ZNF45: variants seen among roughly 807,000 people sequenced by gnomAD.
ZNF45 encodes BRC1744.
In ZNF45, 4 loss-of-function variants were observed where a neutral mutation model predicts 12.0. The ratio of observed to expected loss-of-function variants is 0.33; its 90% confidence interval spans 0.16 to 0.76. The LOEUF (loss-of-function observed/expected upper bound fraction) is 0.76, where lower values mean the gene tolerates loss of function less well. ZNF45 is among the 30% of genes least tolerant of loss of function. The pLI is 0.60. For synonymous variants in ZNF45, 272 were observed against 279.6 expected, an observed-to-expected ratio of 0.97 and a Z score of 0.27; for missense variants, 700 against 813.0, an observed-to-expected ratio of 0.86 and a Z score of 1.69.
Position 43,914,064 on chromosome 19 carries a change from T to G in ZNF45, c.1372A>C (p.Asn458His), listed in dbSNP as rs762896709. 1.9e-6 allele frequency: 3 copies of G among 1,613,692 alleles called. No homozygotes were observed. The highest frequency in any genetic ancestry group is 2.5e-6 in the Non-Finnish European group (3 of 1,179,872). ...ECGKGFSQAS[N>H]LLAHQRGHTG... Reference sequence around the variant, plus strand: ...TGGCCTCTTTGATGGGCCAGAAGATTTGAGGCCTGGCTGAAGCCCTTGCCA... The same window carrying G: ...TGGCCTCTTTGATGGGCCAGAAGATGTGAGGCCTGGCTGAAGCCCTTGCCA... The change falls in exon 10 of 10, where the codon AAT (asparagine) becomes CAT (histidine). Residue 458 changes from asparagine (N) to histidine (H), a missense_variant. By Grantham distance (68) the Asn-to-His change is moderately conservative (BLOSUM62 1). Coordinates refer to ENST00000269973, the MANE Select transcript of ZNF45 (RefSeq NM_003425.4).
chr19:43,919,345 C>A (rs1424240762), intron 8 of ZNF45, among the ~76,000 whole-genome samples: 1 of 152,036 alleles, frequency 6.6e-6, no homozygotes, highest in African/African-American at 2.4e-5. Context: ...GAGATGACCA[C>A]AATTTGAGAA....
intron 3 of ZNF45, among the ~76,000 whole-genome samples, chr19:43,927,230 A>G (rs1205179229): frequency 6.6e-6 from 1 of 152,052 alleles, no homozygotes; most frequent in African/African-American, 2.4e-5. Context: ...TTACTTACTT[A>G]TATTCATTAC....
intron 3 of ZNF45, among the ~76,000 whole-genome samples, chr19:43,931,790 A>G (rs1250411248): frequency 6.6e-6 from 1 of 152,208 alleles, no homozygotes; most frequent in Admixed American, 6.5e-5. Context: ...TAACTTGCCC[A>G]AGGTTATTCA....
In ZNF45 at chr19:43,914,041, G is replaced by C; in HGVS notation, c.1395C>G (p.Gly465=). The change falls in exon 10 of 10, where the codon GGC becomes GGG. Residue 465 remains glycine (G), a synonymous_variant. Transcript: ENST00000269973. ...ATTTGTAGGGTTTCTCTCCAGTGTG[G>C]CCTCTTTGATGGGCCAGAAGATTTG... ...QASNLLAHQR[G]HTGEKPYKCG... is the part of the protein sequence containing the mutation. 1 of 1,614,012 alleles carries C rather than the reference G, an allele frequency of 6.2e-7. No homozygotes were observed. The highest frequency in any genetic ancestry group is 8.5e-7 in the Non-Finnish European group (1 of 1,179,980).
Position 43,919,615 on chromosome 19 carries a change from G to C in ZNF45, c.100C>G (p.Arg34Gly). ...LLDLAQRKLY[R>G]DVMLENFRNV... ...CTGAAGTTCTCCAGCATCACATCTC[G>C]GTACAGCTTCCTCTGGGCAAGGTCC... Residue 34 changes from arginine (R) to glycine (G), a missense_variant, in exon 8 of 10, where the codon CGA (arginine) becomes GGA (glycine). Transcript: ENST00000269973. 6.2e-7 allele frequency: 1 copy of C among 1,612,912 alleles called. No homozygotes were observed. The highest frequency in any genetic ancestry group is 8.5e-7 in the Non-Finnish European group (1 of 1,179,314).
intron 3 of ZNF45, among the ~76,000 whole-genome samples, chr19:43,929,013 A>G (rs1270427624): frequency 6.6e-6 from 1 of 152,260 alleles, no homozygotes; most frequent in Non-Finnish European, 1.5e-5. Context: ...CATTTTACAG[A>G]CAAGGAAATA....
Position 43,914,192 on chromosome 19 carries a change from G to T in ZNF45, c.1244C>A (p.Pro415Gln), listed in dbSNP as rs762696029. The T allele has an allele frequency of 1.9e-5, 31 of 1,606,160 alleles. No individual in the cohort carries two copies. Among genetic ancestry groups the T allele is most frequent in the Non-Finnish European group, 2.5e-5 (29 of 1,174,436 alleles). Residue 415 changes from proline (P) to glutamine (Q), a missense_variant, in exon 10 of 10, where the codon CCG becomes CAG. By Grantham distance (76) the Pro-to-Gln change is moderately conservative. Coordinates refer to ENST00000269973, the MANE Select transcript of ZNF45 (RefSeq NM_003425.4). ...CTTACCACATGCATCACACTGATAC[G>T]GTTTCTCTCCAGTATGGCCTCTTTG... ...DHQRGHTGEK[P>Q]YQCDACGKGF... is the part of the protein sequence containing the mutation.
chr19:43,927,463 T>C (rs1479496311), intron 3 of ZNF45, among the ~76,000 whole-genome samples: 2 of 152,176 alleles, frequency 1.3e-5, no homozygotes, highest in African/African-American at 2.4e-5. Context: ...CCAAGGGTCC[T>C]AGATGTGAAA....
chr19:43,924,011 T>G (rs1169663030), intron 6 of ZNF45, among the ~76,000 whole-genome samples: 1 of 151,590 alleles, frequency 6.6e-6, no homozygotes, highest in African/African-American at 2.4e-5. Context: ...AAAATTTACT[T>G]TAACAGTAGG....
rs573572135 is a variant in ZNF45 at position 43,930,286 on chromosome 19, C to A, written c.-400+2318G>T. 5.9e-4 allele frequency among the ~76,000 whole-genome samples: 90 copies of A among 152,300 alleles called. 1 individual carries two copies. Among genetic ancestry groups the A allele is most frequent in the Middle Eastern group, 6.8e-3 (2 of 294 alleles). On this transcript the variant is annotated intron_variant, in intron 3 of 9. Transcript: ENST00000269973. The stretch of plus-strand genomic sequence containing the variant: ...ACTTAATCACTTCCCAAAGGCCTCA[C>A]CTCTTAATAACACCACAATGGGGAT...
At chr19:43,930,138 G>A (rs1184457388) in intron 3 of ZNF45, 2 of 151,986 alleles carry the variant, frequency 1.3e-5, no homozygotes, top group East Asian at 1.9e-4. Context: ...CAGAAGGGTA[G>A]GGGAAAAGGG....
chr19:43,916,654 A>G (rs1972705001), intron 9 of ZNF45, among the ~76,000 whole-genome samples: 2 of 152,184 alleles, frequency 1.3e-5, no homozygotes, highest in East Asian at 3.8e-4. Context: ...CTGACTCAAC[A>G]CAGTGTTCAA....
intron 3 of ZNF45, among the ~76,000 whole-genome samples, chr19:43,928,947 G>T (rs1353359208): frequency 6.6e-6 from 1 of 152,238 alleles, no homozygotes. Context: ...TTCTTCACAT[G>T]TAGTATCTCA....
intron 2 of ZNF45, among the ~76,000 whole-genome samples, chr19:43,932,903 C>T (rs73036788): frequency 0.1 from 15,517 of 152,108 alleles, 904 homozygotes; most frequent in East Asian, 0.14. Context: ...TCTCTCAAAA[C>T]GTTAAAGTCC....
In ZNF45 at chr19:43,913,622, A is replaced by C; in HGVS notation, c.1814T>G (p.Val605Gly). 6.2e-7 allele frequency: 1 copy of C among 1,613,650 alleles called. No individual in the cohort carries two copies. The highest frequency in any genetic ancestry group is 8.5e-7 in the Non-Finnish European group (1 of 1,179,922). Residue 605 changes from valine (V) to glycine (G), a missense_variant, in exon 10 of 10, where the codon GTC becomes GGC. Val to Gly is a moderately radical substitution (Grantham distance 109, BLOSUM62 -3). Transcript: ENST00000269973. ...TTTGTATGGTCTCTCTCCTGTGTGGACCCTCTGGTGGGCTTGAAGGTAGGA... is the reference window on the plus strand; with the variant it reads ...TTTGTATGGTCTCTCTCCTGTGTGGCCCCTCTGGTGGGCTTGAAGGTAGGA... ...QRSYLQAHQR[V>G]HTGERPYKCE...
Position 43,913,647 on chromosome 19 carries a change from A to G in ZNF45, c.1789T>C (p.Ser597Pro). The G allele has an allele frequency of 6.2e-7, 1 of 1,613,350 alleles. No homozygotes were observed. Among genetic ancestry groups the G allele is most frequent in the Non-Finnish European group, 8.5e-7 (1 of 1,179,934 alleles). The change falls in exon 10 of 10, where the codon TCC (serine) becomes CCC (proline). Residue 597 changes from serine (S) to proline (P), a missense_variant. Transcript: ENST00000269973. Reference protein sequence around the residue: ...DVCGKRFRQRSYLQAHQRVHT... With the variant: ...DVCGKRFRQRPYLQAHQRVHT... ...ACCCTCTGGTGGGCTTGAAGGTAGG[A>G]TCTCTGTCTGAAGCGCTTACCACAC...
intron 7 of ZNF45, among the ~76,000 whole-genome samples, chr19:43,920,750 G>T (rs993478958): frequency 6.6e-6 from 1 of 151,614 alleles, no homozygotes; most frequent in Admixed American, 6.6e-5. Context: ...ACAGGCGTGC[G>T]CCACTATGCC....
In ZNF45 at chr19:43,915,160, T is replaced by C; in HGVS notation, c.276A>G (p.Val92=). 6.5e-7 allele frequency: 1 copy of C among 1,539,778 alleles called. No homozygotes were observed. Among genetic ancestry groups the C allele is most frequent in the Non-Finnish European group, 8.7e-7 (1 of 1,144,762 alleles). The change falls in exon 10 of 10, where the codon GTA becomes GTG. Residue 92 remains valine (V), a synonymous_variant. Coordinates refer to ENST00000269973, the MANE Select transcript of ZNF45 (RefSeq NM_003425.4). The part of the protein sequence containing the change: ...NLKEMETLQE[V]GLRYLPHEEL... ...CTTCATGAGGCAGGTACCTTAATCC[T>C]ACTTCTTGAAGAGTCTCCATCTCTT...
In ZNF45 at chr19:43,914,332, A is replaced by C. The variant is rs62640883; in HGVS notation, c.1104T>G (p.Gly368=). The change falls in exon 10 of 10, where the codon GGT becomes GGG. Residue 368 remains glycine (G), a synonymous_variant. Transcript: ENST00000269973. ...CCTGAAGGTGTGAACCCACACTGAA[A>C]CCTTTCCCACACTCCTCACACTTAT... The part of the protein sequence containing the change: ...KPYKCEECGK[G]FSVGSHLQAH... The C allele has an allele frequency of 3.9e-4, 618 of 1,604,968 alleles. 6 individuals carry two copies. The African/African-American group carries it at 7.9e-3, about 20-fold the overall frequency.
Sources: allele counts gnomAD v4.1 joint callset (sites outside exome capture counted in the v4.1 genomes callset), GRCh38; gene constraint gnomAD v4.1.1; transcripts MANE v1.5; gene names NCBI Gene and HGNC (gene_info 2026-07-23, HGNC 2026-07-21).